The following ST18 variants were observed in gnomAD, a reference collection of about 807,000 sequenced individuals.
ST18 encodes the protein suppression of tumorigenicity 18 protein.
A neutral mutation model predicts 110.0 loss-of-function variants in ST18; 50 were observed. The ratio of observed to expected loss-of-function variants is 0.45; its 90% CI spans 0.36 to 0.58. ST18 has a LOEUF of 0.58. ST18 is among the 20% of genes least tolerant of loss of function. The probability of loss-of-function intolerance (pLI) is 0.00; values close to 1 mark genes in which losing one functional copy is unlikely to be tolerated. For missense variants in ST18, 1,306 were observed against 1,280.1 expected (o/e 1.02, Z -0.31); for synonymous variants, 461 against 452.4 (o/e 1.02, Z -0.24).
In ST18 at chr8:52,163,870, A is replaced by G. The variant is rs949321852; in HGVS notation, c.1400+116T>C. On this transcript the variant is annotated intron_variant, in intron 13 of 25. Transcript: ENST00000689386. ...TGGAGTGGGCTGCACACCCAGGTCT[A>G]CTGGGGCTGAGAGGGGAGGTCAAGC... is the stretch of plus-strand genomic sequence containing the variant. The G allele has an allele frequency of 1.0e-5, 7 of 703,268 alleles. No homozygotes were observed. In the African/African-American group the frequency reaches 1.2e-4, roughly 13 times the overall value. The allele number at this position is 703,268 out of a possible 1,614,324, so 43.6% of individuals were successfully genotyped here.
chr8:52,239,043 C>T (rs141666035), intron 2 of ST18, among the ~76,000 whole-genome samples: 3 of 152,174 alleles, frequency 2.0e-5, no homozygotes, highest in Non-Finnish European at 4.4e-5. Context: ...TATGCCGAAA[C>T]ATGGATGAGC....
At chr8:52,370,403 T>A (rs542557434) in intron 2 of ST18, among the ~76,000 whole-genome samples, 1 of 145,988 alleles carries the variant, frequency 6.8e-6, no homozygotes, top group East Asian at 2.1e-4. Flanking sequence ...TGTGTGTGCA[T>A]GCGTGTGACT....
At chr8:52,175,449 G>A (rs1159578214) in intron 9 of ST18, among the ~76,000 whole-genome samples, 1 of 152,152 alleles carries the variant, frequency 6.6e-6, no homozygotes, top group Non-Finnish European at 1.5e-5. Context: ...CTATGAGTGA[G>A]TGCACGATAT....
chr8:52,210,748 T>C (rs1438302146), intron 8 of ST18, among the ~76,000 whole-genome samples: 2 of 152,130 alleles, frequency 1.3e-5, no homozygotes, highest in African/African-American at 4.8e-5. Context: ...GGTAGGGCCA[T>C]GGATTCCCTA....
intron 2 of ST18, among the ~76,000 whole-genome samples, chr8:52,338,286 G>A (rs1813123759): frequency 6.6e-6 from 1 of 152,044 alleles, no homozygotes; most frequent in South Asian, 2.1e-4. Context: ...TCAAACTCCT[G>A]ACCTCAGATG....
intron 2 of ST18, among the ~76,000 whole-genome samples, chr8:52,282,386 A>C (rs2095396644): frequency 1.3e-5 from 2 of 152,234 alleles, no homozygotes; most frequent in Admixed American, 1.3e-4. Context: ...TTCAACATTA[A>C]AAATTCTAAT....
At chr8:52,367,510 T>C (rs1272744198) in intron 2 of ST18, among the ~76,000 whole-genome samples, 1 of 152,166 alleles carries the variant, frequency 6.6e-6, no homozygotes, top group Admixed American at 6.5e-5. Flanking sequence ...TCAAAGTGTA[T>C]AAATATATAA....
Position 52,135,390 on chromosome 8 carries a change from G to A in ST18, c.2300+1200C>T, listed in dbSNP as rs531853938. Among the ~76,000 whole-genome samples, 18 of 151,798 alleles carry A rather than the reference G, an allele frequency of 1.2e-4. No individual in the cohort carries two copies. The South Asian group carries it at 3.5e-3, about 30-fold the overall frequency. ...AGCCTGGCCAACATGGTGAAACAGT[G>A]TCTCTACTAAAAATACAAAAAGCAC... On this transcript the variant is annotated intron_variant, in intron 19 of 25. Coordinates refer to ENST00000689386, the MANE Select transcript of ST18 (RefSeq NM_001352837.2).
chr8:52,136,732 C>A lies in ST18; in HGVS notation c.2232-74G>T. On this transcript the variant is annotated intron_variant, in intron 18 of 25. Transcript: ENST00000689386. ...ATCTGAGTCAAATGGCATCCTGAGT[C>A]GTGAACATACGTTAAATTATTGGTG... 5 of 1,232,604 alleles carry A rather than the reference C, an allele frequency of 4.1e-6. No individual in the cohort carries two copies. The South Asian group carries it at 4.2e-5, about 10-fold the overall frequency. The allele number at this position is 1,232,604 out of a possible 1,614,324, so 76.4% of individuals were successfully genotyped here.
intron 2 of ST18, among the ~76,000 whole-genome samples, chr8:52,245,540 T>C (rs1236322243): frequency 6.6e-6 from 1 of 152,132 alleles, no homozygotes; most frequent in Non-Finnish European, 1.5e-5. Flanking sequence ...TAGCTTTGTT[T>C]ACCTTTAAAT....
chr8:52,312,292 C>G (rs1393392011), intron 2 of ST18, among the ~76,000 whole-genome samples: 1 of 152,200 alleles, frequency 6.6e-6, no homozygotes, highest in Non-Finnish European at 1.5e-5. Flanking sequence ...TTCAGGGAAG[C>G]ACTTGCCATT....
chr8:52,139,800 T>C lies in ST18; in HGVS notation c.2169-2317A>G, dbSNP rs976809942. 3.3e-5 allele frequency among the ~76,000 whole-genome samples: 5 copies of C among 152,352 alleles called. No individual in the cohort carries two copies. In the South Asian group the frequency reaches 1.0e-3, roughly 32 times the overall value. ...TTAGCTGATAATTTATTTTTAAGTT[T>C]GGTTGTATTAAAAGGTCAAGAAATA... On this transcript the variant is annotated intron_variant, in intron 17 of 25. Coordinates refer to ENST00000689386, the MANE Select transcript of ST18 (RefSeq NM_001352837.2).
chr8:52,301,255 T>G (rs1276763337), intron 2 of ST18, among the ~76,000 whole-genome samples: 1 of 152,198 alleles, frequency 6.6e-6, no homozygotes, highest in Non-Finnish European at 1.5e-5. Flanking sequence ...CAATTTATTT[T>G]CCTAAAATTG....
intron 2 of ST18, among the ~76,000 whole-genome samples, chr8:52,399,092 T>C (rs1842090082): frequency 6.6e-6 from 1 of 152,100 alleles, no homozygotes; most frequent in Non-Finnish European, 1.5e-5. Context: ...GGAAGGTTTT[T>C]AACTACTTCT....
intron 2 of ST18, among the ~76,000 whole-genome samples, chr8:52,324,673 G>A (rs1174815163): frequency 2.6e-5 from 4 of 152,136 alleles, no homozygotes; most frequent in Non-Finnish European, 5.9e-5. Context: ...ACTCTTTGCA[G>A]CAACTTTATA....
chr8:52,388,811 G>A (rs1002068431), intron 2 of ST18, among the ~76,000 whole-genome samples: 1 of 115,164 alleles, frequency 8.7e-6, no homozygotes, highest in Admixed American at 1.1e-4. Flanking sequence ...TCCGGGGACT[G>A]TTGTGGGGTG....
At chr8:52,177,307 T>A (rs183304506) in intron 9 of ST18, among the ~76,000 whole-genome samples, 5 of 152,350 alleles carry the variant, frequency 3.3e-5, no homozygotes, top group Non-Finnish European at 5.9e-5. Context: ...AGGATATGGA[T>A]GAAGTCTGTG....
In ST18 at chr8:52,267,483, T is replaced by TAAA. The variant is rs57769643; in HGVS notation, c.-464-37409_-464-37407dup. On this transcript the variant is annotated intron_variant, in intron 2 of 25. Transcript: ENST00000689386. ...CTCTCCTTCAAACTCAGAGATAAGC[T>TAAA]AAAAAAAAAAAAAAAAAAAAACCCA... 1.0e-3 allele frequency among the ~76,000 whole-genome samples: 118 copies of TAAA among 114,990 alleles called. 1 individual carries two copies. The highest frequency in any genetic ancestry group is 4.4e-3 in the East Asian group (16 of 3,676). The allele number at this position is 114,990 out of a possible 152,430, so 75.4% of individuals were successfully genotyped here. A position where few individuals can be genotyped will look rare whatever the true frequency, so the allele number is the denominator to read the frequency against.
chr8:52,347,961 A>G (rs1426838716), intron 2 of ST18, among the ~76,000 whole-genome samples: 1 of 152,188 alleles, frequency 6.6e-6, no homozygotes, highest in Non-Finnish European at 1.5e-5. Context: ...AAGACCATAT[A>G]TATTTAAATA....
Sources: allele counts gnomAD v4.1 joint callset (sites outside exome capture counted in the v4.1 genomes callset), GRCh38; gene constraint gnomAD v4.1.1; transcripts MANE v1.5; gene names NCBI Gene and HGNC (gene_info 2026-07-23, HGNC 2026-07-21).